CDH13: variants seen among roughly 807,000 people sequenced by gnomAD.
CDH13 encodes cadherin 13, also known as cadherin-13.
A neutral mutation model predicts 63.8 loss-of-function variants in CDH13; 24 were observed. The ratio of observed to expected loss-of-function variants is 0.38; its 90% CI spans 0.27 to 0.53. The LOEUF is 0.53. CDH13 is among the 20% of genes least tolerant of loss of function. CDH13 has a pLI of 0.85. For missense variants in CDH13, 1,049 were observed against 903.1 expected, an observed-to-expected ratio of 1.16 and a Z score of -2.07; for synonymous variants, 503 against 355.3, an observed-to-expected ratio of 1.42 and a Z score of -4.67.
intron 4 of CDH13, among the ~76,000 whole-genome samples, chr16:83,196,054 G>T (rs925781595): frequency 1.3e-5 from 2 of 152,132 alleles, no homozygotes; most frequent in African/African-American, 4.8e-5. Context: ...TCACAAGTTC[G>T]CAATCAGCCT....
chr16:83,347,285 T>C (rs1218333699), intron 6 of CDH13, among the ~76,000 whole-genome samples: 1 of 137,506 alleles, frequency 7.3e-6, no homozygotes, highest in Non-Finnish European at 1.5e-5. Flanking sequence ...TGCTCATCTG[T>C]GGCTCATAGG....
chr16:83,059,277 C>G (rs1326809516), intron 3 of CDH13, among the ~76,000 whole-genome samples: 3 of 152,092 alleles, frequency 2.0e-5, no homozygotes, highest in Non-Finnish European at 4.4e-5. Context: ...TTTTCCTAGT[C>G]TCCCTACTGT....
chr16:83,159,843 G>A (rs1273869272), intron 4 of CDH13, among the ~76,000 whole-genome samples: 1 of 152,122 alleles, frequency 6.6e-6, no homozygotes, highest in Admixed American at 6.5e-5. Flanking sequence ...GGGAGACTGA[G>A]GCTAGTGGAT....
chr16:83,613,602 G>A (rs141794050), intron 8 of CDH13, among the ~76,000 whole-genome samples: 53 of 152,234 alleles, frequency 3.5e-4, no homozygotes, highest in Middle Eastern at 6.8e-3. Context: ...GGAGACCGGT[G>A]GGCAGATCAC....
chr16:82,993,675 G>C (rs1403887185), intron 2 of CDH13, among the ~76,000 whole-genome samples: 1 of 152,136 alleles, frequency 6.6e-6, no homozygotes, highest in Non-Finnish European at 1.5e-5. Context: ...CTTCTCGGAT[G>C]GGACTTAGCT....
At chr16:83,312,867 C>G (rs1449180484) in intron 5 of CDH13, among the ~76,000 whole-genome samples, 2 of 151,968 alleles carry the variant, frequency 1.3e-5, no homozygotes, top group Non-Finnish European at 2.9e-5. Context: ...AGAATTTGAC[C>G]TCAGAAAATC....
At chr16:83,121,423 T>C (rs969816951) in intron 3 of CDH13, among the ~76,000 whole-genome samples, 2 of 152,260 alleles carry the variant, frequency 1.3e-5, no homozygotes, top group African/African-American at 4.8e-5. Context: ...TAAGATTTAC[T>C]TTGGAGGTCT....
chr16:83,106,906 TAAA>T (rs922181703), intron 3 of CDH13, among the ~76,000 whole-genome samples: 42 of 152,014 alleles, frequency 2.8e-4, no homozygotes, highest in African/African-American at 8.7e-4. Flanking sequence ...ATTTTTTTTT[TAAA>T]AAAGTATAAT....
At chr16:82,833,882 C>T (rs2038651856) in intron 1 of CDH13, among the ~76,000 whole-genome samples, 1 of 152,118 alleles carries the variant, frequency 6.6e-6, no homozygotes, top group Admixed American at 6.5e-5. Context: ...GACATGTGAG[C>T]CCAGAGCAGA....
chr16:83,308,942 G>A (rs2089940046), intron 5 of CDH13, among the ~76,000 whole-genome samples: 1 of 152,198 alleles, frequency 6.6e-6, no homozygotes, highest in Non-Finnish European at 1.5e-5. Context: ...AGAACATTCA[G>A]ATGAAGGGAA....
intron 11 of CDH13, among the ~76,000 whole-genome samples, chr16:83,750,071 G>A (rs1007183239): frequency 1.3e-5 from 2 of 152,162 alleles, no homozygotes; most frequent in African/African-American, 2.4e-5. Context: ...GCTGAGGTGG[G>A]TGGATTACAA....
chr16:83,195,848 A>G (rs909951517), intron 4 of CDH13, among the ~76,000 whole-genome samples: 1 of 152,230 alleles, frequency 6.6e-6, no homozygotes, highest in Admixed American at 6.5e-5. Context: ...AGTAAAGATG[A>G]GAAAGGAAGT....
chr16:82,708,970 C>T (rs1176279858), intron 1 of CDH13, among the ~76,000 whole-genome samples: 2 of 152,168 alleles, frequency 1.3e-5, no homozygotes, highest in Non-Finnish European at 2.9e-5. Flanking sequence ...CCAGAAGAGT[C>T]CTGAGTGATG....
chr16:83,713,535 A>C (rs1038932867), intron 10 of CDH13, among the ~76,000 whole-genome samples: 1 of 152,122 alleles, frequency 6.6e-6, no homozygotes. Context: ...TTCCTCTTCA[A>C]ATTTGTAGGT....
chr16:83,218,149 A>T (rs1404246122), intron 5 of CDH13, among the ~76,000 whole-genome samples: 2 of 152,176 alleles, frequency 1.3e-5, no homozygotes, highest in African/African-American at 4.8e-5. Flanking sequence ...TGATTGATTG[A>T]TTGATTGATT....
At chr16:82,925,581 T>C (rs1440039944) in intron 2 of CDH13, among the ~76,000 whole-genome samples, 3 of 152,162 alleles carry the variant, frequency 2.0e-5, no homozygotes, top group Admixed American at 6.5e-5. Flanking sequence ...TTGTGGCAGA[T>C]GAAGATCAGG....
chr16:83,663,609 T>C (rs1913649790), intron 8 of CDH13, among the ~76,000 whole-genome samples: 1 of 152,154 alleles, frequency 6.6e-6, no homozygotes, highest in South Asian at 2.1e-4. Context: ...ATTCAGCATT[T>C]TGGGGAAGCA....
At chr16:83,317,523 G>A (rs1019616534) in intron 5 of CDH13, among the ~76,000 whole-genome samples, 2 of 152,252 alleles carry the variant, frequency 1.3e-5, no homozygotes, top group Non-Finnish European at 2.9e-5. Flanking sequence ...GGCAGTGAGC[G>A]CCAGTCAAGT....
intron 1 of CDH13, among the ~76,000 whole-genome samples, chr16:82,669,416 A>G (rs767147091): frequency 2.0e-5 from 3 of 152,230 alleles, no homozygotes; most frequent in Non-Finnish European, 2.9e-5. Context: ...TACAGAGAAA[A>G]TAGTGGGTCT....
Sources: allele counts gnomAD v4.1 joint callset (sites outside exome capture counted in the v4.1 genomes callset), GRCh38; gene constraint gnomAD v4.1.1; transcripts MANE v1.5; gene names NCBI Gene and HGNC (gene_info 2026-07-23, HGNC 2026-07-21).